Variants in FYCO1 observed in about 807,000 individuals in gnomAD.
FYCO1 encodes the protein FYVE and coiled-coil domain-containing protein 1.
Under a neutral mutation model 165.1 loss-of-function variants are expected in FYCO1, and 122 were observed. The ratio of observed to expected loss-of-function variants is 0.74; its 90% confidence interval spans 0.64 to 0.86. The LOEUF is 0.86. Among genes scored for constraint, FYCO1 ranks in the 40% least tolerant of loss-of-function variants. The pLI is 0.00. For missense variants in FYCO1, 1,702 were observed against 1,810.3 expected, an observed-to-expected ratio of 0.94 and a Z score of 1.09; for synonymous variants, 648 against 742.5, an observed-to-expected ratio of 0.87 and a Z score of 2.07.
At chr3:45,941,955 A>G (rs1363439222) in intron 14 of FYCO1, among the ~76,000 whole-genome samples, 2 of 152,246 alleles carry the variant, frequency 1.3e-5, no homozygotes, top group East Asian at 1.9e-4. Flanking sequence ...AGACAGGTGC[A>G]TATTTGGCTC....
intron 6 of FYCO1, among the ~76,000 whole-genome samples, chr3:45,971,355 T>C (rs553547132): frequency 3.3e-5 from 5 of 152,334 alleles, no homozygotes; most frequent in African/African-American, 7.2e-5. Context: ...AATGATCAAA[T>C]GGTATTAAAA....
rs1703045610 is a variant in FYCO1 at position 45,920,264 on chromosome 3, T to G, written c.*1501A>C. On this transcript the variant is annotated 3_prime_UTR_variant, in exon 18 of 18. Coordinates refer to ENST00000296137, the MANE Select transcript of FYCO1 (RefSeq NM_024513.4). ...GAGTCCCTGACCCATTCTCAAGCCC[T>G]CAAAACCAGCCAGACCAGGGTTATG... 6.6e-6 allele frequency: 1 copy of G among 152,178 alleles called. No individual in the cohort carries two copies. Among genetic ancestry groups the G allele is most frequent in the Non-Finnish European group, 1.5e-5 (1 of 68,062 alleles). The allele number at this position is 152,178 out of a possible 1,614,324, so 9.4% of individuals were successfully genotyped here.
intron 5 of FYCO1, among the ~76,000 whole-genome samples, chr3:45,974,294 G>A (rs1159758160): frequency 2.0e-5 from 3 of 152,146 alleles, no homozygotes; most frequent in African/African-American, 7.2e-5. Context: ...GATCACTTGA[G>A]CCCAGCAGCT....
Position 45,962,188 on chromosome 3 carries a change from G to C in FYCO1, c.3437+37C>G. Reference sequence around the variant, plus strand: ...TTCTTTAGAGAAAAACCCCAGTGTGGGGAAAACCCCAGCTGCTGGTTTGAC... The same window carrying C: ...TTCTTTAGAGAAAAACCCCAGTGTGCGGAAAACCCCAGCTGCTGGTTTGAC... On this transcript the variant is annotated intron_variant, in intron 11 of 17. Transcript: ENST00000296137. The surrounding 1 kb of genome is among the most constrained non-coding windows in gnomAD (Gnocchi z 4.4). 6.2e-7 allele frequency: 1 copy of C among 1,610,734 alleles called. No individual in the cohort carries two copies. The highest frequency in any genetic ancestry group is 8.5e-7 in the Non-Finnish European group (1 of 1,176,926).
In FYCO1 at chr3:45,981,551, C is replaced by CA. The variant is rs1559466930; in HGVS notation, c.162+18dup. 1 of 1,436,098 alleles carries CA rather than the reference C, an allele frequency of 7.0e-7. No homozygotes were observed. Among genetic ancestry groups the CA allele is most frequent in the South Asian group, 1.1e-5 (1 of 87,444 alleles). 89.0% of individuals were successfully genotyped at this position (1,436,098 alleles called of 1,614,324 possible). ...AGAGATACCAGTGCAAAAATCAACA[C>CA]ATTACAGGCATCACTTACTTGCAGG... is the stretch of plus-strand genomic sequence containing the variant. On this transcript the variant is annotated intron_variant, in intron 3 of 17. Transcript: ENST00000296137.
intron 16 of FYCO1, among the ~76,000 whole-genome samples, chr3:45,929,541 T>C (rs962954296): frequency 6.6e-6 from 1 of 151,868 alleles, no homozygotes; most frequent in Admixed American, 6.6e-5. Context: ...TGATGGTGAG[T>C]GGCAAGGGCA....
chr3:45,957,302 G>A (rs1193576988), intron 13 of FYCO1, among the ~76,000 whole-genome samples: 1 of 152,200 alleles, frequency 6.6e-6, no homozygotes, highest in African/African-American at 2.4e-5. Context: ...AAACTTCTAA[G>A]CGACAACAGA....
rs999945546 is a variant in FYCO1, at chr3:45,964,541, T to C, written c.3151-87A>G. On this transcript the variant is annotated intron_variant, in intron 9 of 17. Coordinates refer to ENST00000296137, the MANE Select transcript of FYCO1 (RefSeq NM_024513.4). This position sits in a 1 kb window ranked among gnomAD's most constrained non-coding sequence, Gnocchi z 4.1. ...AGTGGCTGGTGTGCCATCCACCCCA[T>C]CTGGCTGGGTCACTTCTAAATGGAG... 15 of 1,586,054 alleles carry C rather than the reference T, an allele frequency of 9.5e-6. No homozygotes were observed. Among genetic ancestry groups the C allele is most frequent in the Middle Eastern group, 2.1e-4 (1 of 4,692 alleles).
intron 14 of FYCO1, chr3:45,947,488 C>T: frequency 6.2e-7 from 1 of 1,613,742 alleles, no homozygotes; most frequent in Non-Finnish European, 8.5e-7. Context: ...AATGTGGAGG[C>T]CACCAGCATG....
rs769868134 is a variant in FYCO1 at position 45,966,779 on chromosome 3, T to C, written c.2555A>G (p.Glu852Gly). The change falls in exon 8 of 18, where the codon GAA becomes GGA. Residue 852 changes from glutamate (E) to glycine (G), a missense_variant. Coordinates refer to ENST00000296137, the MANE Select transcript of FYCO1 (RefSeq NM_024513.4). ...GGCCCTCTCCTCCTGCAGTGCCCCT[T>C]CACGCTCCGAGCATTGCAGCAGCTC... ...VQELLQCSER[E>G]GALQEERADE... 1.4e-5 allele frequency: 23 copies of C among 1,609,746 alleles called. No homozygotes were observed. The highest frequency in any genetic ancestry group is 1.9e-5 in the Non-Finnish European group (22 of 1,179,974).
In FYCO1 at chr3:45,967,560, G is replaced by T; in HGVS notation, c.1774C>A (p.Gln592Lys). ...QEAWGKPEEE[Q>K]RGLQEAQLDD... ...AACTGTGCCTCCTGCAGGCCCCTCT[G>T]CTCCTCCTCTGGCTTCCCCCAGGCC... The change falls in exon 8 of 18, where the codon CAG becomes AAG. Residue 592 changes from glutamine (Q) to lysine (K), a missense_variant. Physicochemically the swap from Gln to Lys is moderately conservative, Grantham distance 53. Coordinates refer to ENST00000296137, the MANE Select transcript of FYCO1 (RefSeq NM_024513.4). 1 of 1,614,024 alleles carries T rather than the reference G, an allele frequency of 6.2e-7. No homozygotes were observed. The highest frequency in any genetic ancestry group is 2.2e-5 in the East Asian group (1 of 44,878).
intron 8 of FYCO1, among the ~76,000 whole-genome samples, chr3:45,965,667 G>C (rs916871825): frequency 1.3e-5 from 2 of 152,238 alleles, no homozygotes; most frequent in African/African-American, 2.4e-5. Flanking sequence ...TCCCTTCCCT[G>C]TATCTGCTGT....
At chr3:45,932,908 A>G (rs569001351) in intron 15 of FYCO1, among the ~76,000 whole-genome samples, 1 of 152,326 alleles carries the variant, frequency 6.6e-6, no homozygotes, top group Admixed American at 6.5e-5. Context: ...TAATGTGGAA[A>G]TCTTACCATA....
chr3:45,967,974 G>C lies in FYCO1; in HGVS notation c.1360C>G (p.Pro454Ala), dbSNP rs199721604. 8.1e-6 allele frequency: 13 copies of C among 1,613,978 alleles called. No individual in the cohort carries two copies. The highest frequency in any genetic ancestry group is 1.6e-4 in the Middle Eastern group (1 of 6,084). Reference sequence around the variant, plus strand: ...TTCCCAGACAACTCCTCCTGGAGTGGGGCCATCTCCTTCACCAGGCGCTCC... The same window carrying C: ...TTCCCAGACAACTCCTCCTGGAGTGCGGCCATCTCCTTCACCAGGCGCTCC... Reference protein sequence around the residue: ...SLERLVKEMAPLQEELSGKGQ... With the variant: ...SLERLVKEMAALQEELSGKGQ... The change falls in exon 8 of 18, where the codon CCA (proline) becomes GCA (alanine). Residue 454 changes from proline to alanine, a missense_variant. Pro to Ala is a conservative substitution (Grantham distance 27, BLOSUM62 -1). Coordinates refer to ENST00000296137, the MANE Select transcript of FYCO1 (RefSeq NM_024513.4).
chr3:45,981,601 T>A lies in FYCO1; in HGVS notation c.131A>T (p.Lys44Ile), dbSNP rs1369911499. 1.2e-6 allele frequency: 2 copies of A among 1,613,580 alleles called. No individual in the cohort carries two copies. Among genetic ancestry groups the A allele is most frequent in the African/African-American group, 2.7e-5 (2 of 74,916 alleles). Reference sequence around the variant, plus strand: ...GAGATACTCAAGTTTATAAGAAAATTTATGCAAGCTGGTGCTGTCATCCGT... The same window carrying A: ...GAGATACTCAAGTTTATAAGAAAATATATGCAAGCTGGTGCTGTCATCCGT... ...PITDDSTSLH[K>I]FSYKLEYLLQ... The change falls in exon 3 of 18, where the codon AAA becomes ATA. Residue 44 changes from lysine to isoleucine, a missense_variant. Coordinates refer to ENST00000296137, the MANE Select transcript of FYCO1 (RefSeq NM_024513.4).
chr3:45,953,744 C>T (rs9824253), intron 14 of FYCO1, among the ~76,000 whole-genome samples: 57,370 of 151,998 alleles, frequency 0.38, 11,761 homozygotes, highest in East Asian at 0.66. Context: ...AATACCAGTG[C>T]TAGGGCAAAG....
At chr3:45,981,522 G>T in intron 3 of FYCO1, 48 bp downstream of exon 3, 1 of 1,185,474 alleles carries the variant, frequency 8.4e-7, no homozygotes, top group South Asian at 1.2e-5. Flanking sequence ...CCAAGAGGGA[G>T]AAAAGAGATA....
chr3:45,932,839 AT>A (rs1410305312), intron 15 of FYCO1, among the ~76,000 whole-genome samples: 2 of 152,322 alleles, frequency 1.3e-5, no homozygotes, highest in African/African-American at 4.8e-5. Flanking sequence ...AACATTTACA[AT>A]TTTCAAGAAT....
chr3:45,965,227 T>C (rs3796374), intron 8 of FYCO1, 102 bp from the exon 9 acceptor site: 26,459 of 852,876 alleles, frequency 0.031, 587 homozygotes, highest in Middle Eastern at 0.082. Flanking sequence ...TAACTTTCTC[T>C]TTTTCCCTGC....
Sources: allele counts gnomAD v4.1 joint callset (sites outside exome capture counted in the v4.1 genomes callset), GRCh38; gene constraint gnomAD v4.1.1; non-coding constraint Gnocchi (gnomAD v3.1); transcripts MANE v1.5; gene names NCBI Gene and HGNC (gene_info 2026-07-23, HGNC 2026-07-21).